KCNAB2: variants seen among roughly 807,000 people sequenced by gnomAD.
KCNAB2 encodes voltage-gated potassium channel subunit beta-2.
In KCNAB2, 29 loss-of-function variants were observed where a neutral mutation model predicts 63.6. The ratio of observed to expected loss-of-function variants is 0.46; its 90% CI spans 0.34 to 0.62. The LOEUF (loss-of-function observed/expected upper bound fraction) is 0.62, where lower values mean the gene tolerates loss of function less well. Among genes scored for constraint, KCNAB2 ranks in the 20% least tolerant of loss-of-function variants. The probability of loss-of-function intolerance (pLI) is 0.01; values close to 1 mark genes in which losing one functional copy is unlikely to be tolerated. For synonymous variants in KCNAB2, 222 were observed against 224.2 expected (o/e 0.99, Z 0.09); for missense variants, 359 against 563.9 (o/e 0.64, Z 3.68).
intron 1 of KCNAB2, among the ~76,000 whole-genome samples, chr1:6,007,208 G>GA (rs1553211298): frequency 6.6e-6 from 1 of 151,976 alleles, no homozygotes; most frequent in Non-Finnish European, 1.5e-5. Flanking sequence ...GCATGGGGGG[G>GA]GCTCAGCTCC....
At chr1:6,079,179 C>T (rs905767102) in intron 4 of KCNAB2, among the ~76,000 whole-genome samples, 6 of 152,160 alleles carry the variant, frequency 3.9e-5, no homozygotes, top group African/African-American at 1.4e-4. Context: ...CCACACCAGC[C>T]CCAGGGCCTA....
intron 8 of KCNAB2, among the ~76,000 whole-genome samples, 197 bp from the exon 9 acceptor site, chr1:6,090,192 G>A (rs953681630): frequency 3.9e-5 from 6 of 152,182 alleles, no homozygotes; most frequent in South Asian, 2.1e-4. Context: ...CTCCTGAAGG[G>A]AAGATCCCCC....
chr1:6,045,237 C>T (rs1274480048), upstream of KCNAB2, among the ~76,000 whole-genome samples: 1 of 152,194 alleles, frequency 6.6e-6, no homozygotes, highest in East Asian at 1.9e-4. The surrounding 1 kb of genome is among the most constrained non-coding windows in gnomAD (Gnocchi z 4.8). Context: ...ACGGTTCTGC[C>T]TCCATTCAAA....
intron 1 of KCNAB2, among the ~76,000 whole-genome samples, chr1:6,046,671 C>T (rs1310933879): frequency 1.3e-5 from 2 of 152,236 alleles, no homozygotes; most frequent in Non-Finnish European, 2.9e-5. Flanking sequence ...GAGCGAAAAT[C>T]ATTCTGTGTT....
At chr1:6,093,848 G>A (rs897334062) in intron 10 of KCNAB2, among the ~76,000 whole-genome samples, 3 of 152,180 alleles carry the variant, frequency 2.0e-5, no homozygotes, top group East Asian at 1.9e-4. Context: ...CCTATTCTCC[G>A]GGACCATATG....
chr1:6,056,910 C>T (rs1180912208), intron 2 of KCNAB2, among the ~76,000 whole-genome samples: 1 of 151,814 alleles, frequency 6.6e-6, no homozygotes, highest in Non-Finnish European at 1.5e-5. Context: ...CATCAGAAGC[C>T]CCTCTCCTGA....
chr1:6,097,438 C>T (rs112608428), intron 15 of KCNAB2, 81 bp downstream of exon 15: 583 of 1,544,612 alleles, frequency 3.8e-4, no homozygotes, highest in African/African-American at 3.5e-3. Flanking sequence ...GCTCGTCCTG[C>T]GTGCCAGGCT....
intron 1 of KCNAB2, among the ~76,000 whole-genome samples, chr1:6,016,587 A>T (rs970057837): frequency 6.6e-6 from 1 of 152,246 alleles, no homozygotes. Flanking sequence ...GGCGTCTACC[A>T]GAAAACAGTG....
At position 6,088,238 on chromosome 1, in the gene KCNAB2, T is replaced by A. The variant is rs1368309636; in HGVS notation, c.470+727T>A. On this transcript the variant is annotated intron_variant, in intron 7 of 15. Coordinates refer to ENST00000378083, the MANE Select transcript of KCNAB2 (RefSeq NM_001199862.2). Reference sequence around the variant, plus strand: ...GTCCTTTTTCTCTCTCTCTCTTTTTTTTTTTTTTTTTGAGACAGGGTCTCA... The same window carrying A: ...GTCCTTTTTCTCTCTCTCTCTTTTTATTTTTTTTTTTGAGACAGGGTCTCA... 1.8e-4 allele frequency among the ~76,000 whole-genome samples: 27 copies of A among 149,704 alleles called. No homozygotes were observed. In the East Asian group the frequency reaches 5.1e-3, roughly 28 times the overall value.
intron 2 of KCNAB2, among the ~76,000 whole-genome samples, chr1:6,060,012 C>T (rs1048642101): frequency 7.2e-5 from 11 of 152,220 alleles, no homozygotes; most frequent in Non-Finnish European, 1.3e-4. Flanking sequence ...GGTCCTGTGG[C>T]CTCCTCCTTC....
At chr1:6,043,127 G>A (rs148302980), upstream of KCNAB2, among the ~76,000 whole-genome samples, 5 of 152,198 alleles carry the variant, frequency 3.3e-5, no homozygotes, top group Non-Finnish European at 4.4e-5. Context: ...AACATATGCC[G>A]CTCATCCCAG....
intron 1 of KCNAB2, among the ~76,000 whole-genome samples, chr1:5,993,195 G>A (rs1435161079): frequency 1.3e-5 from 2 of 151,588 alleles, no homozygotes; most frequent in African/African-American, 4.9e-5. Context: ...GCCCCACCGG[G>A]GCGCTGCTGT....
intron 3 of KCNAB2, 86 bp downstream of exon 3, chr1:6,072,884 G>T: frequency 7.3e-7 from 1 of 1,363,032 alleles, no homozygotes; most frequent in Non-Finnish European, 1.0e-6. Context: ...CCCTTGGGAG[G>T]CAGGGTGGCC....
intron 1 of KCNAB2, among the ~76,000 whole-genome samples, chr1:6,013,267 C>T (rs999844131): frequency 6.6e-6 from 1 of 152,102 alleles, no homozygotes; most frequent in African/African-American, 2.4e-5. Flanking sequence ...CTCAGTGTCC[C>T]GCTGGGGCCA....
rs961036697 is a variant in KCNAB2, at chr1:6,099,175, A to T, written c.*601A>T. ...TCCTCTCCCATCCTTTTCTGCTCCA[A>T]CCTGCCCCACTGGGTCCCGGCAGGG... On this transcript the variant is annotated 3_prime_UTR_variant, in exon 16 of 16. Transcript: ENST00000378083. 6.5e-6 allele frequency: 1 copy of T among 152,716 alleles called. No individual in the cohort carries two copies. The highest frequency in any genetic ancestry group is 1.5e-5 in the Non-Finnish European group (1 of 68,526). 9.5% of individuals were successfully genotyped at this position (152,716 alleles called of 1,614,324 possible).
intron 5 of KCNAB2, among the ~76,000 whole-genome samples, chr1:6,084,658 A>T (rs1247323856): frequency 2.0e-5 from 3 of 152,264 alleles, no homozygotes; most frequent in African/African-American, 7.2e-5. Flanking sequence ...TCTACTAAAA[A>T]TACAAAAATT....
chr1:6,066,840 G>A (rs1301510832), intron 2 of KCNAB2, among the ~76,000 whole-genome samples: 1 of 152,242 alleles, frequency 6.6e-6, no homozygotes, highest in East Asian at 1.9e-4. Flanking sequence ...GCTCCAGCAG[G>A]CACAGGCAGC....
chr1:6,002,945 A>G (rs1412140561), intron 1 of KCNAB2, among the ~76,000 whole-genome samples: 1 of 152,006 alleles, frequency 6.6e-6, no homozygotes, highest in East Asian at 1.9e-4. Context: ...CGTCCCCTCC[A>G]CACATTTGTT....
At chr1:5,999,875 C>T (rs918365399) in intron 1 of KCNAB2, among the ~76,000 whole-genome samples, 5 of 151,310 alleles carry the variant, frequency 3.3e-5, no homozygotes, top group South Asian at 2.1e-4. Context: ...GCGCCATCTG[C>T]GCCCTCTCCG....
Sources: gnomAD v4.1 joint callset for allele counts (sites outside exome capture counted in the v4.1 genomes callset) on GRCh38, gnomAD v4.1.1 for gene constraint, Gnocchi (gnomAD v3.1) non-coding constraint, MANE v1.5 for transcripts, NCBI Gene and HGNC (gene_info 2026-07-23, HGNC 2026-07-21) for gene names.